Variants in CREB5 observed in about 807,000 individuals in gnomAD.
CREB5 encodes the protein cAMP responsive element binding protein 5.
A neutral mutation model predicts 57.1 loss-of-function variants in CREB5; 19 were observed. The ratio of observed to expected loss-of-function variants is 0.33; its 90% confidence interval spans 0.23 to 0.49. The LOEUF is 0.49. CREB5 is among the 20% of genes least tolerant of loss of function. The pLI, the probability that CREB5 is intolerant of heterozygous loss-of-function variation, is 0.99. For synonymous variants in CREB5, 238 were observed against 238.3 expected (o/e 1.00, Z 0.01); for missense variants, 579 against 671.6 (o/e 0.86, Z 1.52).
intron 7 of CREB5, among the ~76,000 whole-genome samples, chr7:28,760,325 A>G (rs569367154): frequency 6.6e-6 from 1 of 152,320 alleles, no homozygotes; most frequent in Admixed American, 6.5e-5. Context: ...GCAAAACCAG[A>G]CCAACCAAAT....
chr7:28,438,335 A>T (rs941573751), intron 1 of CREB5, among the ~76,000 whole-genome samples: 1 of 152,078 alleles, frequency 6.6e-6, no homozygotes, highest in East Asian at 1.9e-4. Flanking sequence ...ATGAGATGGG[A>T]ATGAGAGTGT....
At chr7:28,574,635 G>A (rs980224936) in intron 5 of CREB5, among the ~76,000 whole-genome samples, 36 of 152,176 alleles carry the variant, frequency 2.4e-4, no homozygotes, top group Admixed American at 7.2e-4. Flanking sequence ...GAGCTCTGAC[G>A]GGTTATGGGA....
upstream of CREB5, chr7:28,409,799 G>A (rs2128001609): frequency 4.5e-6 from 2 of 447,460 alleles, no homozygotes; most frequent in Non-Finnish European, 4.5e-6. This position sits in a 1 kb window ranked among gnomAD's most constrained non-coding sequence, Gnocchi z 4.4. Context: ...ACGTGGAGCC[G>A]GCGCCGAGTC....
At chr7:28,410,634 C>T (rs1369582894), upstream of CREB5, 7 of 444,538 alleles carry the variant, frequency 1.6e-5, no homozygotes, top group South Asian at 3.1e-5. Context: ...TGCTCAAGGC[C>T]GGGGACTGGA....
At chr7:28,435,599 CT>C (rs1330072034) in intron 1 of CREB5, 9 of 982,358 alleles carry the variant, frequency 9.2e-6, no homozygotes, top group African/African-American at 7.0e-5. Context: ...CATTTATTTT[CT>C]TTGCAAAAGG....
intron 4 of CREB5, among the ~76,000 whole-genome samples, chr7:28,510,689 T>C (rs552847562): frequency 3.8e-4 from 58 of 152,350 alleles, no homozygotes; most frequent in South Asian, 3.7e-3. Flanking sequence ...CCAATGTGTA[T>C]ATAGAATCAG....
At chr7:28,803,460 T>C (rs1010600767) in intron 7 of CREB5, among the ~76,000 whole-genome samples, 8 of 152,166 alleles carry the variant, frequency 5.3e-5, no homozygotes, top group Admixed American at 3.9e-4. Context: ...TTGTGACTCT[T>C]ACAAGATACA....
intron 10 of CREB5, 135 bp from the exon 11 acceptor site, chr7:28,818,981 A>G: frequency 9.4e-7 from 1 of 1,062,016 alleles, no homozygotes; most frequent in East Asian, 2.4e-5. Context: ...ATTAACTTTC[A>G]GAAGAAAATG....
chr7:28,805,726 A>AT (rs3216234), intron 8 of CREB5, among the ~76,000 whole-genome samples: 55,568 of 151,794 alleles, frequency 0.37, 11,137 homozygotes, highest in African/African-American at 0.54. Context: ...GATAACCTTA[A>AT]TTTTTTTCCT....
At chr7:28,515,844 A>C (rs1294553615) in intron 4 of CREB5, among the ~76,000 whole-genome samples, 1 of 148,270 alleles carries the variant, frequency 6.7e-6, no homozygotes, top group African/African-American at 2.5e-5. Flanking sequence ...TATTGTAATA[A>C]TTATTATTGT....
intron 7 of CREB5, among the ~76,000 whole-genome samples, chr7:28,800,148 T>C (rs1226604979): frequency 6.6e-6 from 1 of 152,178 alleles, no homozygotes; most frequent in Non-Finnish European, 1.5e-5. Flanking sequence ...AACTAAACTA[T>C]TTTTTAAAAG....
intron 1 of CREB5, among the ~76,000 whole-genome samples, chr7:28,367,478 A>G (rs531259792): frequency 6.6e-6 from 1 of 152,170 alleles, no homozygotes; most frequent in Non-Finnish European, 1.5e-5. Flanking sequence ...TCTCTTTTTC[A>G]TCACTTCCTA....
At chr7:28,694,989 C>T (rs1003646219) in intron 5 of CREB5, among the ~76,000 whole-genome samples, 1 of 152,150 alleles carries the variant, frequency 6.6e-6, no homozygotes, top group African/African-American at 2.4e-5. Context: ...ATTCGGGAGG[C>T]CAAGATGGGA....
At chr7:28,816,055 G>GCGCACACACA (rs1554303451) in intron 9 of CREB5, among the ~76,000 whole-genome samples, 28 of 145,258 alleles carry the variant, frequency 1.9e-4, no homozygotes, top group African/African-American at 5.3e-4. Context: ...AAATATATAC[G>GCGCACACACA]CACACACACA....
chr7:28,384,537 A>G (rs1787043854), intron 1 of CREB5, among the ~76,000 whole-genome samples: 1 of 152,080 alleles, frequency 6.6e-6, no homozygotes, highest in Admixed American at 6.6e-5. Flanking sequence ...ATGAAAACAA[A>G]TCATTTCATT....
At chr7:28,642,995 C>T (rs1637456) in intron 5 of CREB5, among the ~76,000 whole-genome samples, 3,282 of 91,776 alleles carry the variant, frequency 0.036, 66 homozygotes, top group African/African-American at 0.14. Flanking sequence ...CATACACACA[C>T]ACACACACAC....
intron 1 of CREB5, among the ~76,000 whole-genome samples, chr7:28,357,778 G>T (rs1325289311): frequency 6.6e-6 from 1 of 152,104 alleles, no homozygotes; most frequent in African/African-American, 2.4e-5. Flanking sequence ...GGAGGCAAAT[G>T]CTTGGAATAG....
intron 4 of CREB5, among the ~76,000 whole-genome samples, chr7:28,550,555 G>C (rs1039988533): frequency 6.6e-6 from 1 of 152,062 alleles, no homozygotes; most frequent in Non-Finnish European, 1.5e-5. Flanking sequence ...TCTCTTCCCC[G>C]ACTACTTTCC....
chr7:28,582,544 G>T (rs1028375397), intron 5 of CREB5, among the ~76,000 whole-genome samples: 4 of 152,106 alleles, frequency 2.6e-5, no homozygotes, highest in Non-Finnish European at 5.9e-5. Flanking sequence ...TCATATTTCC[G>T]TGGTGGATTT....
Sources: gnomAD v4.1 joint callset for allele counts (sites outside exome capture counted in the v4.1 genomes callset) on GRCh38, gnomAD v4.1.1 for gene constraint, Gnocchi (gnomAD v3.1) non-coding constraint, MANE v1.5 for transcripts, NCBI Gene and HGNC (gene_info 2026-07-23, HGNC 2026-07-21) for gene names.